The following RASAL2 variants were observed in gnomAD, a reference collection of about 807,000 sequenced individuals.
RASAL2 encodes ras GTPase-activating protein nGAP.
RASAL2 carries 58 observed loss-of-function variants against 128.9 expected under a neutral mutation model. The observed-to-expected ratio is 0.45, with a 90% CI of 0.36 to 0.56. RASAL2 has a LOEUF of 0.56. Ranked by LOEUF, RASAL2 falls within the 20% of genes least tolerant of loss-of-function variation. The pLI, the probability that RASAL2 is intolerant of heterozygous loss-of-function variation, is 0.00. For missense variants in RASAL2, 1,360 were observed against 1,601.6 expected (o/e 0.85, Z 2.57); for synonymous variants, 561 against 580.8 (o/e 0.97, Z 0.49).
intron 2 of RASAL2, among the ~76,000 whole-genome samples, chr1:178,296,175 GCA>G (rs1491115342): frequency 6.6e-6 from 1 of 151,090 alleles, no homozygotes; most frequent in Non-Finnish European, 1.5e-5. Flanking sequence ...GTGTGTGTGT[GCA>G]TATATATATA....
chr1:178,296,767 G>A (rs1667527605), intron 2 of RASAL2, among the ~76,000 whole-genome samples: 1 of 147,714 alleles, frequency 6.8e-6, no homozygotes, highest in African/African-American at 2.5e-5. Flanking sequence ...CCACCTCTCG[G>A]GTTCAAGCAG....
intron 1 of RASAL2, among the ~76,000 whole-genome samples, chr1:178,185,139 A>G (rs1285878027): frequency 6.7e-6 from 1 of 149,288 alleles, no homozygotes; most frequent in Non-Finnish European, 1.5e-5. Flanking sequence ...TTCAAATTGT[A>G]GTTGTTTGTT....
chr1:178,157,579 G>A (rs1489810881), intron 1 of RASAL2, among the ~76,000 whole-genome samples: 11 of 152,096 alleles, frequency 7.2e-5, no homozygotes, highest in Admixed American at 7.2e-4. Context: ...CTGCTCCCTG[G>A]GTTGCTGGTT....
chr1:178,317,469 C>G (rs1426790246), intron 3 of RASAL2, among the ~76,000 whole-genome samples: 1 of 149,406 alleles, frequency 6.7e-6, no homozygotes, highest in Admixed American at 6.7e-5. Context: ...ACAATTTCAG[C>G]TCCTGTTATT....
At chr1:178,139,173 TA>T (rs1042393145) in intron 1 of RASAL2, among the ~76,000 whole-genome samples, 3 of 152,026 alleles carry the variant, frequency 2.0e-5, no homozygotes, top group African/African-American at 7.2e-5. Flanking sequence ...TGGATTTTAA[TA>T]AAAATATCTA....
intron 1 of RASAL2, among the ~76,000 whole-genome samples, chr1:178,260,350 C>CAAAAAAAA (rs1243797175): frequency 6.9e-3 from 3 of 432 alleles, no homozygotes; most frequent in African/African-American, 8.9e-3. Flanking sequence ...AGACTCGTCT[C>CAAAAAAAA]AAAAAAAAAA....
In RASAL2 at chr1:178,453,201, A is replaced by AAT. The variant is rs1377042097; in HGVS notation, c.2009+560_2009+561dup. 1.7e-4 allele frequency among the ~76,000 whole-genome samples: 26 copies of AAT among 152,002 alleles called. No individual in the cohort carries two copies. In the East Asian group the frequency reaches 1.7e-3, roughly 10 times the overall value. ...ACTTATTTGGATCTTAAGTTGGAAA[A>AAT]ATATATATATATGTCCTTTTGGGGG... On this transcript the variant is annotated intron_variant, in intron 11 of 17. Transcript: ENST00000367649.
intron 1 of RASAL2, among the ~76,000 whole-genome samples, chr1:178,176,614 A>AT (rs35361851): frequency 0.85 from 123,911 of 145,470 alleles, 52,864 homozygotes; most frequent in South Asian, 0.92. Flanking sequence ...TATTTGTTGC[A>AT]TTTTTTTTTT....
intron 1 of RASAL2, among the ~76,000 whole-genome samples, chr1:178,232,812 G>T (rs1664065177): frequency 6.6e-6 from 1 of 152,054 alleles, no homozygotes; most frequent in Non-Finnish European, 1.5e-5. Flanking sequence ...TCTTCTTCTG[G>T]AAAGTATCAA....
At chr1:178,321,367 T>C (rs2102335811) in intron 3 of RASAL2, among the ~76,000 whole-genome samples, 1 of 152,242 alleles carries the variant, frequency 6.6e-6, no homozygotes, top group East Asian at 1.9e-4. Context: ...ATTACAGGCG[T>C]GAGCCACCGC....
At chr1:178,160,490 CG>C (rs1661243082) in intron 1 of RASAL2, among the ~76,000 whole-genome samples, 2 of 152,032 alleles carry the variant, frequency 1.3e-5, no homozygotes, top group Non-Finnish European at 2.9e-5. Flanking sequence ...CAAAAATTAG[CG>C]GGACGTGGTG....
chr1:178,094,461 G>GCCGCCTCGTCCCCCTC lies in RASAL2; in HGVS notation c.-23_-8dup, dbSNP rs1292912643. 6.0e-5 allele frequency: 91 copies of GCCGCCTCGTCCCCCTC among 1,514,466 alleles called. No individual in the cohort carries two copies. The highest frequency in any genetic ancestry group is 8.0e-5 in the Non-Finnish European group (91 of 1,132,640). The allele number at this position is 1,514,466 out of a possible 1,614,324, so 93.8% of individuals were successfully genotyped here. ...CCGCGCGCCAGCCCGCCCCGAAGCC[G>GCCGCCTCGTCCCCCTC]CCGCCTCGTCCCCCTCCCGCCTCGG... On this transcript the variant is annotated 5_prime_UTR_variant, in exon 1 of 18. Coordinates refer to ENST00000367649, the MANE Select transcript of RASAL2 (RefSeq NM_170692.4).
intron 1 of RASAL2, among the ~76,000 whole-genome samples, chr1:178,209,200 T>G (rs1272668459): frequency 4.7e-4 from 71 of 152,202 alleles, no homozygotes; most frequent in Non-Finnish European, 1.5e-5. Context: ...TGGAGCTTTG[T>G]GTCCATTATC....
At chr1:178,099,461 A>C (rs553877817) in intron 1 of RASAL2, among the ~76,000 whole-genome samples, 55 of 152,262 alleles carry the variant, frequency 3.6e-4, no homozygotes, top group African/African-American at 1.3e-3. Context: ...GAAAATTTGT[A>C]TGTCTTATTT....
At chr1:178,246,570 GCCT>G (rs1300772950) in intron 1 of RASAL2, among the ~76,000 whole-genome samples, 1 of 151,954 alleles carries the variant, frequency 6.6e-6, no homozygotes, top group Non-Finnish European at 1.5e-5. Context: ...TCTTTCTCTT[GCCT>G]GATGCTCTGG....
intron 4 of RASAL2, among the ~76,000 whole-genome samples, chr1:178,392,302 G>A (rs1239312760): frequency 6.6e-6 from 1 of 152,112 alleles, no homozygotes; most frequent in Non-Finnish European, 1.5e-5. Context: ...GAAAATAATT[G>A]ACAGGGGAAG....
chr1:178,295,920 A>G (rs999533983), intron 2 of RASAL2, among the ~76,000 whole-genome samples: 6 of 152,148 alleles, frequency 3.9e-5, no homozygotes, highest in Admixed American at 2.0e-4. Context: ...AGTTAGCGTA[A>G]TCTTGATTTC....
chr1:178,325,366 T>A (rs1401840079), intron 3 of RASAL2, among the ~76,000 whole-genome samples: 1 of 152,000 alleles, frequency 6.6e-6, no homozygotes, highest in Non-Finnish European at 1.5e-5. Context: ...GGCCTTTAGG[T>A]TTTTTCCCTC....
At chr1:178,381,251 T>G (rs992838080) in intron 3 of RASAL2, among the ~76,000 whole-genome samples, 4 of 151,958 alleles carry the variant, frequency 2.6e-5, no homozygotes, top group African/African-American at 4.8e-5. Flanking sequence ...TAATGATGAG[T>G]AGGATAGCTT....
Sources: gnomAD v4.1 joint callset for allele counts (sites outside exome capture counted in the v4.1 genomes callset) on GRCh38, gnomAD v4.1.1 for gene constraint, MANE v1.5 for transcripts, NCBI Gene and HGNC (gene_info 2026-07-23, HGNC 2026-07-21) for gene names.